The following ZBTB8A variants were observed in gnomAD, a reference collection of about 807,000 sequenced individuals.
ZBTB8A encodes zinc finger and BTB domain containing 8A.
ZBTB8A carries 19 observed loss-of-function variants against 37.8 expected under a neutral mutation model. That is an observed-to-expected ratio of 0.50 (90% CI 0.35 to 0.74). The LOEUF (loss-of-function observed/expected upper bound fraction) is 0.74. Ranked by LOEUF, ZBTB8A falls within the 30% of genes least tolerant of loss-of-function variation. ZBTB8A has a pLI of 0.01. For missense variants in ZBTB8A, 394 were observed against 537.8 expected, an observed-to-expected ratio of 0.73 and a Z score of 2.65; for synonymous variants, 181 against 185.2, an observed-to-expected ratio of 0.98 and a Z score of 0.19.
intron 2 of ZBTB8A, among the ~76,000 whole-genome samples, chr1:32,571,528 C>A (rs932532820): frequency 6.6e-6 from 1 of 151,856 alleles, no homozygotes; most frequent in Non-Finnish European, 1.5e-5. Context: ...TGTATTCCAG[C>A]GATAAACCTC....
rs1644588548 is a variant in ZBTB8A, at chr1:32,602,928, A to C, written c.*2509A>C. ...TGTTACTATTTTCTCTTGTTCTTTC[A>C]TTAATTATTGTCCTTGATACCAATT... is the stretch of plus-strand genomic sequence containing the variant. On this transcript the variant is annotated 3_prime_UTR_variant, in exon 5 of 5. Coordinates refer to ENST00000373510, the MANE Select transcript of ZBTB8A (RefSeq NM_001040441.3). 1 of 152,128 alleles carries C rather than the reference A, an allele frequency of 6.6e-6. No homozygotes were observed. Among genetic ancestry groups the C allele is most frequent in the African/African-American group, 2.4e-5 (1 of 41,430 alleles). The allele number at this position is 152,128 out of a possible 1,614,324, so 9.4% of individuals were successfully genotyped here.
At chr1:32,571,985 C>T (rs1249261085) in intron 2 of ZBTB8A, among the ~76,000 whole-genome samples, 1 of 151,960 alleles carries the variant, frequency 6.6e-6, no homozygotes, top group Non-Finnish European at 1.5e-5. Context: ...CTCACTACAA[C>T]CTCTGCCTCC....
At chr1:32,594,630 G>A (rs1464200622) in intron 3 of ZBTB8A, among the ~76,000 whole-genome samples, 3 of 151,906 alleles carry the variant, frequency 2.0e-5, no homozygotes, top group Admixed American at 6.6e-5. Context: ...GAGTGCTGGC[G>A]CATGTCTGTA....
rs555736414 is a variant in ZBTB8A at position 32,605,704 on chromosome 1, C to CAAAAAAAAAAAAAAAA, written c.*5296_*5311dup. On this transcript the variant is annotated 3_prime_UTR_variant, in exon 5 of 5. Transcript: ENST00000373510. ...TGGGTGACAGAGCGAGACTCCACCT[C>CAAAAAAAAAAAAAAAA]AAAAAAAAAAAAAAAAAAAAAAAAA... 2 of 18,414 alleles carry CAAAAAAAAAAAAAAAA rather than the reference C, an allele frequency of 1.1e-4. No homozygotes were observed. Among genetic ancestry groups the CAAAAAAAAAAAAAAAA allele is most frequent in the African/African-American group, 1.7e-4 (1 of 5,868 alleles). The allele number at this position is 18,414 out of a possible 1,614,324, so 1.1% of individuals were successfully genotyped here.
chr1:32,542,604 A>G (rs942084909), intron 1 of ZBTB8A, among the ~76,000 whole-genome samples: 1 of 152,152 alleles, frequency 6.6e-6, no homozygotes, highest in Non-Finnish European at 1.5e-5. Flanking sequence ...CTCAACGACA[A>G]CCTTAGTTCA....
intron 1 of ZBTB8A, among the ~76,000 whole-genome samples, chr1:32,548,002 C>G (rs139106495): frequency 0.12 from 17,968 of 150,562 alleles, 1,204 homozygotes; most frequent in African/African-American, 0.2. Flanking sequence ...GCATGGTGGC[C>G]GGCACCTGTA....
chr1:32,555,466 A>G (rs1281396563), intron 2 of ZBTB8A, among the ~76,000 whole-genome samples: 1 of 152,124 alleles, frequency 6.6e-6, no homozygotes, highest in African/African-American at 2.4e-5. Context: ...TAGCTGCTTT[A>G]TTACTGCCTG....
At chr1:32,590,255 G>C (rs1557716073) in intron 2 of ZBTB8A, among the ~76,000 whole-genome samples, 1 of 151,954 alleles carries the variant, frequency 6.6e-6, no homozygotes, top group Non-Finnish European at 1.5e-5. Flanking sequence ...TTCAGGTTGA[G>C]ATTTCCCACA....
intron 2 of ZBTB8A, among the ~76,000 whole-genome samples, chr1:32,554,218 A>AT (rs1644181351): frequency 1.3e-5 from 2 of 150,130 alleles, no homozygotes; most frequent in African/African-American, 4.9e-5. Flanking sequence ...AAAAAAAAAA[A>AT]GGGTAAAATT....
At chr1:32,589,511 A>G (rs1032754158) in intron 2 of ZBTB8A, among the ~76,000 whole-genome samples, 11 of 150,916 alleles carry the variant, frequency 7.3e-5, no homozygotes, top group African/African-American at 2.7e-4. Context: ...TCAGCCTCCC[A>G]AAGTGCTGGG....
At position 32,589,803 on chromosome 1, in the gene ZBTB8A, C is replaced by T. The variant is rs139782814; in HGVS notation, c.-1-3128C>T. ...CTGACCTCAGGTGATCCGTCAGCCT[C>T]GGCCTCTCAAAGTGCTGGGATTACA... is the stretch of plus-strand genomic sequence containing the variant. On this transcript the variant is annotated intron_variant, in intron 2 of 4. Coordinates refer to ENST00000373510, the MANE Select transcript of ZBTB8A (RefSeq NM_001040441.3). Among the ~76,000 whole-genome samples the T allele has an allele frequency of 2.8e-3, 429 of 152,178 alleles. 6 individuals are homozygous for T. Among genetic ancestry groups the T allele is most frequent in the African/African-American group, 9.8e-3 (406 of 41,486 alleles).
chr1:32,553,142 C>T (rs1644170882), intron 1 of ZBTB8A, among the ~76,000 whole-genome samples: 1 of 151,760 alleles, frequency 6.6e-6, no homozygotes, highest in Non-Finnish European at 1.5e-5. Context: ...TCACTGCAGC[C>T]TCCGCCTCCC....
chr1:32,575,257 C>T (rs1340622135), intron 2 of ZBTB8A, among the ~76,000 whole-genome samples: 10 of 77,764 alleles, frequency 1.3e-4, no homozygotes, highest in Admixed American at 1.9e-4. Context: ...GAGACAGTTT[C>T]GCTCTTTCCC....
At chr1:32,553,064 A>ATT (rs761044528) in intron 1 of ZBTB8A, among the ~76,000 whole-genome samples, 2 of 145,040 alleles carry the variant, frequency 1.4e-5, no homozygotes, top group Non-Finnish European at 1.5e-5. Context: ...CTCTTATATA[A>ATT]TTTTTTTTTT....
chr1:32,544,708 A>G (rs1644088453), intron 1 of ZBTB8A, among the ~76,000 whole-genome samples: 1 of 152,142 alleles, frequency 6.6e-6, no homozygotes, highest in Non-Finnish European at 1.5e-5. Flanking sequence ...AAAAATAAAT[A>G]AACAAATAAA....
At chr1:32,568,638 G>A (rs1249593542) in intron 2 of ZBTB8A, among the ~76,000 whole-genome samples, 1 of 151,960 alleles carries the variant, frequency 6.6e-6, no homozygotes, top group Non-Finnish European at 1.5e-5. Flanking sequence ...CGCCCGCCTC[G>A]GCCTCCCAAA....
At chr1:32,548,209 C>T (rs1308316213) in intron 1 of ZBTB8A, among the ~76,000 whole-genome samples, 2 of 150,132 alleles carry the variant, frequency 1.3e-5, no homozygotes, top group African/African-American at 2.5e-5. Context: ...TAGTTGGAGT[C>T]GAGGGTTGCT....
intron 2 of ZBTB8A, among the ~76,000 whole-genome samples, chr1:32,554,558 G>A (rs923132000): frequency 6.6e-6 from 1 of 150,608 alleles, no homozygotes; most frequent in African/African-American, 2.4e-5. Context: ...GGAGTGCAGA[G>A]GCAACCTCCA....
chr1:32,560,140 A>G (rs551752845), intron 2 of ZBTB8A, among the ~76,000 whole-genome samples: 352 of 152,148 alleles, frequency 2.3e-3, no homozygotes, highest in Middle Eastern at 6.8e-3. Flanking sequence ...ACCAGATCTC[A>G]TGAGAACTCA....
Sources: gnomAD v4.1 joint callset for allele counts (sites outside exome capture counted in the v4.1 genomes callset) on GRCh38, gnomAD v4.1.1 for gene constraint, MANE v1.5 for transcripts, NCBI Gene and HGNC (gene_info 2026-07-23, HGNC 2026-07-21) for gene names.